Variants in GRAMD1B observed in about 807,000 individuals in gnomAD.
The protein encoded by GRAMD1B is GRAM domain containing 1B.
GRAMD1B carries 37 observed loss-of-function variants against 99.7 expected under a neutral mutation model. That is an observed-to-expected ratio of 0.37 (90% CI 0.29 to 0.49). GRAMD1B has a LOEUF of 0.49. Among genes scored for constraint, GRAMD1B ranks in the 20% least tolerant of loss-of-function variants. GRAMD1B has a pLI of 0.98. For missense variants in GRAMD1B, 888 were observed against 1,009.2 expected, an observed-to-expected ratio of 0.88 and a Z score of 1.63; for synonymous variants, 427 against 387.6, an observed-to-expected ratio of 1.10 and a Z score of -1.19.
At chr11:123,367,403 C>G (rs1458102655) in intron 1 of GRAMD1B, among the ~76,000 whole-genome samples, 1 of 152,128 alleles carries the variant, frequency 6.6e-6, no homozygotes, top group Non-Finnish European at 1.5e-5. Context: ...AGCAGAACAG[C>G]CCAGTTGAAT....
At chr11:123,360,993 T>C (rs1455655713) in intron 1 of GRAMD1B, among the ~76,000 whole-genome samples, 1 of 152,120 alleles carries the variant, frequency 6.6e-6, no homozygotes, top group East Asian at 1.9e-4. Flanking sequence ...ATTTTTTGTA[T>C]TTTTACTAGA....
chr11:123,544,639 C>A (rs2673332), intron 2 of GRAMD1B, among the ~76,000 whole-genome samples: 9,771 of 152,280 alleles, frequency 0.064, 416 homozygotes, highest in Middle Eastern at 0.18. Context: ...GGGTTCCCTC[C>A]ACATCAGCCA....
chr11:123,414,881 G>A (rs1425194079), intron 1 of GRAMD1B, among the ~76,000 whole-genome samples: 4 of 152,046 alleles, frequency 2.6e-5, no homozygotes, highest in Non-Finnish European at 5.9e-5. Context: ...GATGAGTCTC[G>A]CTCTAGAGCC....
chr11:123,417,550 T>C (rs1476347423), intron 1 of GRAMD1B, among the ~76,000 whole-genome samples: 1 of 152,166 alleles, frequency 6.6e-6, no homozygotes, highest in Non-Finnish European at 1.5e-5. Flanking sequence ...CGTGAGAACA[T>C]AAGCTCTGGC....
At chr11:123,579,718 T>A (rs865916102) in intron 3 of GRAMD1B, among the ~76,000 whole-genome samples, 2 of 152,160 alleles carry the variant, frequency 1.3e-5, no homozygotes, top group Non-Finnish European at 2.9e-5. Context: ...TCCTGCACAC[T>A]TTTCCATCCA....
chr11:123,435,937 CTTTTTTT>C (rs10647186), intron 1 of GRAMD1B, among the ~76,000 whole-genome samples: 1 of 95,702 alleles, frequency 1.0e-5, no homozygotes, highest in Non-Finnish European at 2.0e-5. Context: ...GAAACTCATA[CTTTTTTT>C]TTTTTTTTTT....
chr11:123,365,500 C>T (rs1385434658), intron 1 of GRAMD1B, among the ~76,000 whole-genome samples: 3 of 152,202 alleles, frequency 2.0e-5, no homozygotes, highest in Non-Finnish European at 4.4e-5. Flanking sequence ...GATCCACCCA[C>T]CTTAGCCTCC....
chr11:123,505,201 A>AG (rs1555046960), intron 2 of GRAMD1B, among the ~76,000 whole-genome samples: 2 of 150,688 alleles, frequency 1.3e-5, no homozygotes, highest in African/African-American at 4.9e-5. Context: ...AAATATATTA[A>AG]TTTTTTTTTA....
intron 1 of GRAMD1B, among the ~76,000 whole-genome samples, chr11:123,417,561 A>G (rs1410411870): frequency 6.6e-6 from 1 of 152,202 alleles, no homozygotes; most frequent in African/African-American, 2.4e-5. Flanking sequence ...AAGCTCTGGC[A>G]TCAGCATTGA....
chr11:123,372,927 G>A (rs764983906), intron 1 of GRAMD1B, among the ~76,000 whole-genome samples: 17 of 151,966 alleles, frequency 1.1e-4, no homozygotes, highest in East Asian at 1.9e-4. Context: ...ATCACTTGAC[G>A]CCAGGAGATC....
Position 123,619,238 on chromosome 11 carries a change from C to T in GRAMD1B, c.2544+14C>T. 1 of 1,552,532 alleles carries T rather than the reference C, an allele frequency of 6.4e-7. No individual in the cohort carries two copies. Among genetic ancestry groups the T allele is most frequent in the South Asian group, 1.2e-5 (1 of 84,088 alleles). ...CTCCTTGACCAGGTGAGATGCCCCA[C>T]CTTCTCTGCTTGCCCTGGTCTTTGG... On this transcript the variant is annotated intron_variant, in intron 19 of 19. Transcript: ENST00000635736.
At chr11:123,505,298 C>G (rs1416951299) in intron 2 of GRAMD1B, among the ~76,000 whole-genome samples, 2 of 152,070 alleles carry the variant, frequency 1.3e-5, no homozygotes, top group Non-Finnish European at 2.9e-5. Flanking sequence ...TCCCCAAGTG[C>G]TGGGATTATA....
At chr11:123,618,485 C>T in intron 17 of GRAMD1B, 1 of 868,720 alleles carries the variant, frequency 1.2e-6, no homozygotes, top group South Asian at 1.4e-5. Context: ...TCCCATGCCC[C>T]TCTCCATGGC....
intron 2 of GRAMD1B, among the ~76,000 whole-genome samples, chr11:123,572,131 T>C (rs745454850): frequency 1.6e-4 from 25 of 152,172 alleles, no homozygotes; most frequent in Non-Finnish European, 2.8e-4. Flanking sequence ...CAAAGTCATA[T>C]CACCTTGTCT....
At chr11:123,521,825 T>TTGGGA (rs1276563045) in intron 2 of GRAMD1B, among the ~76,000 whole-genome samples, 1 of 152,226 alleles carries the variant, frequency 6.6e-6, no homozygotes, top group African/African-American at 2.4e-5. Context: ...CTTGTGGGCT[T>TTGGGA]TGGGAATTAT....
chr11:123,580,918 A>T (rs1186559198), intron 3 of GRAMD1B, among the ~76,000 whole-genome samples: 1 of 147,222 alleles, frequency 6.8e-6, no homozygotes, highest in Non-Finnish European at 1.5e-5. Flanking sequence ...TTTTTTTTCA[A>T]ATCTAATTTT....
intron 1 of GRAMD1B, among the ~76,000 whole-genome samples, chr11:123,469,787 C>CCTTCCTTCCTTCCTTCCTTCCTTA: frequency 6.8e-6 from 1 of 146,652 alleles, no homozygotes; most frequent in Admixed American, 6.9e-5. Context: ...TTCCTTCCTT[C>CCTTCCTTCCTTCCTTCCTTCCTTA]CTTCCTTCCT....
chr11:123,557,426 A>C (rs147008391), intron 2 of GRAMD1B, among the ~76,000 whole-genome samples: 21 of 152,344 alleles, frequency 1.4e-4, no homozygotes, highest in African/African-American at 4.8e-4. Context: ...GTGCATCTTA[A>C]GGAACTGAGA....
At chr11:123,364,883 A>G (rs531661070) in intron 1 of GRAMD1B, among the ~76,000 whole-genome samples, 1 of 152,292 alleles carries the variant, frequency 6.6e-6, no homozygotes, top group African/African-American at 2.4e-5. Flanking sequence ...ACTTGTTTGG[A>G]AATAGAGAAT....
Sources: allele counts gnomAD v4.1 joint callset (sites outside exome capture counted in the v4.1 genomes callset), GRCh38; gene constraint gnomAD v4.1.1; transcripts MANE v1.5; gene names NCBI Gene and HGNC (gene_info 2026-07-23, HGNC 2026-07-21).